FSTL5: variants seen among roughly 807,000 people sequenced by gnomAD.
FSTL5 encodes the protein follistatin-related protein 5.
FSTL5 carries 62 observed loss-of-function variants against 89.1 expected under a neutral mutation model. The observed-to-expected ratio is 0.70, with a 90% CI of 0.57 to 0.86. FSTL5 has a LOEUF of 0.86. Ranked by LOEUF, FSTL5 falls within the 40% of genes least tolerant of loss-of-function variation. FSTL5 has a pLI of 0.00. For missense variants in FSTL5, 1,057 were observed against 1,001.6 expected (o/e 1.06, Z -0.75); for synonymous variants, 383 against 346.2 (o/e 1.11, Z -1.18).
chr4:161,587,600 G>A (rs751818743), intron 7 of FSTL5, 25 bp from the exon 8 acceptor site: 6 of 1,555,852 alleles, frequency 3.9e-6, no homozygotes, highest in Non-Finnish European at 5.2e-6. Flanking sequence ...ATAAAACAAG[G>A]TGTTTGCATT....
At chr4:161,838,571 A>G (rs2126869555) in intron 4 of FSTL5, among the ~76,000 whole-genome samples, 1 of 152,278 alleles carries the variant, frequency 6.6e-6, no homozygotes, top group African/African-American at 2.4e-5. Context: ...GACGTGAGCC[A>G]CCGTGCCTGG....
chr4:161,587,308 T>TA (rs1468926405), intron 8 of FSTL5, 147 bp downstream of exon 8: 2 of 596,742 alleles, frequency 3.4e-6, no homozygotes, highest in South Asian at 2.4e-5. Context: ...TTTTTTTTTT[T>TA]ACTTAAAAAA....
chr4:161,486,584 T>A (rs1376919500), intron 12 of FSTL5, among the ~76,000 whole-genome samples: 1 of 152,218 alleles, frequency 6.6e-6, no homozygotes, highest in Non-Finnish European at 1.5e-5. Flanking sequence ...ATCAGGTTCC[T>A]AAGACAGGCA....
intron 4 of FSTL5, among the ~76,000 whole-genome samples, chr4:161,885,011 C>T (rs1269600337): frequency 6.6e-6 from 1 of 151,740 alleles, no homozygotes; most frequent in African/African-American, 2.4e-5. Flanking sequence ...TTTAAATCAC[C>T]ATTAGGGAGA....
chr4:161,852,606 A>T (rs962380032), intron 4 of FSTL5, among the ~76,000 whole-genome samples: 1 of 152,234 alleles, frequency 6.6e-6, no homozygotes, highest in African/African-American at 2.4e-5. Context: ...CAATCCCATT[A>T]CTGCATATAT....
intron 6 of FSTL5, among the ~76,000 whole-genome samples, chr4:161,725,586 T>C (rs1739368928): frequency 6.6e-6 from 1 of 152,020 alleles, no homozygotes; most frequent in Non-Finnish European, 1.5e-5. Flanking sequence ...TTCATAAGCT[T>C]CAGTGACAGC....
intron 6 of FSTL5, among the ~76,000 whole-genome samples, chr4:161,729,500 C>G (rs145248236): frequency 4.5e-4 from 69 of 152,178 alleles, no homozygotes; most frequent in African/African-American, 1.6e-3. Context: ...CCTAGCCCAG[C>G]AGTCTTAAAA....
intron 2 of FSTL5, among the ~76,000 whole-genome samples, chr4:162,064,973 T>G (rs1738840310): frequency 6.6e-6 from 1 of 151,972 alleles, no homozygotes; most frequent in Admixed American, 6.6e-5. Context: ...AACTAATCTT[T>G]GGGAAGAGTG....
intron 7 of FSTL5, among the ~76,000 whole-genome samples, chr4:161,638,239 G>T (rs1735802877): frequency 6.6e-6 from 1 of 151,694 alleles, no homozygotes; most frequent in Non-Finnish European, 1.5e-5. Context: ...GTGAACGGGA[G>T]TTCACTCATG....
intron 3 of FSTL5, among the ~76,000 whole-genome samples, chr4:161,933,922 G>A (rs1287062151): frequency 6.6e-6 from 1 of 152,036 alleles, no homozygotes; most frequent in Non-Finnish European, 1.5e-5. Flanking sequence ...AGCTCTTTAA[G>A]TGGTAGCACT....
chr4:162,052,720 C>T (rs550541324), intron 2 of FSTL5, among the ~76,000 whole-genome samples: 5 of 151,766 alleles, frequency 3.3e-5, no homozygotes, highest in South Asian at 2.1e-4. Flanking sequence ...TAAGCAAACG[C>T]GTGTGACAAA....
At chr4:161,591,636 A>G (rs1322952983) in intron 7 of FSTL5, among the ~76,000 whole-genome samples, 5 of 152,204 alleles carry the variant, frequency 3.3e-5, no homozygotes, top group African/African-American at 1.2e-4. Flanking sequence ...TATTTTTATG[A>G]AGAAGAAACA....
chr4:161,683,123 T>C (rs556916444), intron 6 of FSTL5, among the ~76,000 whole-genome samples: 1 of 150,510 alleles, frequency 6.6e-6, no homozygotes, highest in South Asian at 2.3e-4. Flanking sequence ...AAATCAGTAA[T>C]ATTTATTATC....
At chr4:162,029,867 G>A (rs1317779842) in intron 3 of FSTL5, among the ~76,000 whole-genome samples, 1 of 150,944 alleles carries the variant, frequency 6.6e-6, no homozygotes, top group African/African-American at 2.4e-5. Context: ...ATCTATTTTA[G>A]GAAAGAACAA....
At chr4:161,487,538 T>C (rs1729721134) in intron 12 of FSTL5, among the ~76,000 whole-genome samples, 1 of 152,124 alleles carries the variant, frequency 6.6e-6, no homozygotes, top group African/African-American at 2.4e-5. Context: ...TTGGGTATTG[T>C]CAAATTTGCC....
intron 8 of FSTL5, among the ~76,000 whole-genome samples, chr4:161,559,848 C>A (rs554038109): frequency 6.6e-6 from 1 of 151,910 alleles, no homozygotes; most frequent in African/African-American, 2.4e-5. Context: ...ATGCTATAGC[C>A]TATTTACACA....
At chr4:161,680,892 T>C (rs1444104870) in intron 6 of FSTL5, among the ~76,000 whole-genome samples, 2 of 152,040 alleles carry the variant, frequency 1.3e-5, no homozygotes, top group East Asian at 3.9e-4. Flanking sequence ...GTGAATTCCA[T>C]GTTTTCTATT....
chr4:161,572,775 T>C (rs778507209), intron 8 of FSTL5, among the ~76,000 whole-genome samples: 3 of 152,102 alleles, frequency 2.0e-5, no homozygotes, highest in Non-Finnish European at 4.4e-5. Flanking sequence ...CATCACTGGG[T>C]GACTGAATGA....
chr4:162,153,745 A>ATATATGTATAC (rs375756150), intron 1 of FSTL5, among the ~76,000 whole-genome samples: 14 of 109,848 alleles, frequency 1.3e-4, no homozygotes, highest in African/African-American at 3.2e-4. Context: ...TGTATATAAT[A>ATATATGTATAC]ATATACATGT....
Sources: gnomAD v4.1 joint callset for allele counts (sites outside exome capture counted in the v4.1 genomes callset) on GRCh38, gnomAD v4.1.1 for gene constraint, MANE v1.5 for transcripts, NCBI Gene and HGNC (gene_info 2026-07-23, HGNC 2026-07-21) for gene names.